Variants in PMFBP1 observed in about 807,000 individuals in gnomAD.
PMFBP1 encodes the protein polyamine modulated factor 1 binding protein 1.
In PMFBP1, 131 loss-of-function variants were observed where a neutral mutation model predicts 137.8. That is an observed-to-expected ratio of 0.95 (90% CI 0.82 to 1.10). The LOEUF (loss-of-function observed/expected upper bound fraction) is 1.10. Among genes scored for constraint, PMFBP1 ranks in the 50% least tolerant of loss-of-function variants. The pLI is 0.00. For synonymous variants in PMFBP1, 490 were observed against 450.4 expected (o/e 1.09, Z -1.11); for missense variants, 1,199 against 1,175.4 (o/e 1.02, Z -0.29).
At chr16:72,177,799 A>T (rs1420283397), upstream of PMFBP1, among the ~76,000 whole-genome samples, 1 of 152,208 alleles carries the variant, frequency 6.6e-6, no homozygotes, top group African/African-American at 2.4e-5. Flanking sequence ...ATCTATGATA[A>T]TTCCTCAGTC....
chr16:72,200,351 A>T, the PMFBP1 span, among the ~76,000 whole-genome samples: 1 of 152,344 alleles, frequency 6.6e-6, no homozygotes, highest in Admixed American at 6.5e-5. Context: ...TTTATACTAG[A>T]GCAGAATTTC....
At chr16:72,165,357 T>C (rs564790742) in intron 2 of PMFBP1, among the ~76,000 whole-genome samples, 1 of 152,172 alleles carries the variant, frequency 6.6e-6, no homozygotes, top group African/African-American at 2.4e-5. Flanking sequence ...CTTTCTCTTC[T>C]ACCCACTAGA....
intron 5 of PMFBP1, among the ~76,000 whole-genome samples, chr16:72,149,708 A>G (rs1286566329): frequency 6.6e-6 from 1 of 152,192 alleles, no homozygotes; most frequent in South Asian, 2.1e-4. Flanking sequence ...CTGTAGTCCC[A>G]GATACTCTGG....
intron 3 of PMFBP1, among the ~76,000 whole-genome samples, chr16:72,163,793 C>T (rs1242276957): frequency 2.0e-5 from 3 of 152,066 alleles, no homozygotes; most frequent in Non-Finnish European, 4.4e-5. Flanking sequence ...GAATTGGAGA[C>T]TATTATTCCA....
chr16:72,221,980 G>C, the PMFBP1 span, among the ~76,000 whole-genome samples: 1 of 152,176 alleles, frequency 6.6e-6, no homozygotes, highest in African/African-American at 2.4e-5. Flanking sequence ...GCCGGGCTCA[G>C]GTATATGTGT....
At chr16:72,223,220 T>C in the PMFBP1 span, among the ~76,000 whole-genome samples, 2 of 152,194 alleles carry the variant, frequency 1.3e-5, no homozygotes, top group Non-Finnish European at 2.9e-5. Flanking sequence ...CAGCACCGAA[T>C]TTCCATGGCT....
chr16:72,215,965 T>G, the PMFBP1 span, among the ~76,000 whole-genome samples: 40 of 152,216 alleles, frequency 2.6e-4, no homozygotes, highest in African/African-American at 8.9e-4. Context: ...AATCTCTCTC[T>G]TCTTCTTCCT....
At position 72,136,492 on chromosome 16, in the gene PMFBP1, G is replaced by C; in HGVS notation, c.1159C>G (p.Leu387Val). 6.2e-7 allele frequency: 1 copy of C among 1,613,850 alleles called. No individual in the cohort carries two copies. Among genetic ancestry groups the C allele is most frequent in the Non-Finnish European group, 8.5e-7 (1 of 1,179,918 alleles). Reference protein sequence around the residue: ...ILQCRLQELQLEFTETQKLTL... With the variant: ...ILQCRLQELQVEFTETQKLTL... ...AGCTTTTGGGTCTCGGTGAACTCCA[G>C]CTGCAGCTCCTGCAGCCGGCACTGC... The change falls in exon 9 of 21, where the codon CTG (leucine) becomes GTG (valine). Residue 387 changes from leucine (L) to valine (V), a missense_variant. Transcript: ENST00000237353.
In PMFBP1 at chr16:72,135,364, T is replaced by G. The variant is rs1434062403; in HGVS notation, c.1203+1084A>C. ...CTAATTTTGTGTGTGTGTGTGTTTT[T>G]TTTTTTTTTTTTTTGTTGTTGTTGT... is the stretch of plus-strand genomic sequence containing the variant. On this transcript the variant is annotated intron_variant, in intron 9 of 20. Transcript: ENST00000237353. 7.6e-3 allele frequency among the ~76,000 whole-genome samples: 719 copies of G among 95,116 alleles called. 2 individuals carry two copies. The highest frequency in any genetic ancestry group is 0.023 in the African/African-American group (445 of 19,694). 62.4% of individuals were successfully genotyped at this position (95,116 alleles called of 152,430 possible).
At chr16:72,120,808 T>C (rs564628694) in intron 19 of PMFBP1, among the ~76,000 whole-genome samples, 3 of 152,314 alleles carry the variant, frequency 2.0e-5, no homozygotes, top group African/African-American at 4.8e-5. Flanking sequence ...CTGCCACTTA[T>C]TAGTTTTGAG....
chr16:72,193,850 A>C, the PMFBP1 span, among the ~76,000 whole-genome samples: 6 of 152,224 alleles, frequency 3.9e-5, no homozygotes, highest in South Asian at 1.2e-3. Flanking sequence ...GCGCACACAT[A>C]CCACCGCTAG....
the PMFBP1 span, among the ~76,000 whole-genome samples, chr16:72,244,471 C>T: frequency 2.0e-5 from 3 of 152,200 alleles, no homozygotes; most frequent in Non-Finnish European, 4.4e-5. Context: ...TACGTCCCCT[C>T]TCCTTCTTCT....
the PMFBP1 span, among the ~76,000 whole-genome samples, chr16:72,248,010 G>A: frequency 6.6e-6 from 1 of 152,142 alleles, no homozygotes; most frequent in Admixed American, 6.5e-5. Context: ...ATCTGCCTCG[G>A]TCTGCCAAGT....
At chr16:72,164,629 C>T in intron 3 of PMFBP1, 135 bp downstream of exon 3, 1 of 1,292,904 alleles carries the variant, frequency 7.7e-7, no homozygotes, top group Non-Finnish European at 1.1e-6. Context: ...GTTTAATTCT[C>T]TTAATTCTCT....
the PMFBP1 span, among the ~76,000 whole-genome samples, chr16:72,190,924 G>A: frequency 6.6e-6 from 1 of 152,156 alleles, no homozygotes; most frequent in South Asian, 2.1e-4. Flanking sequence ...GCAAAGAGAA[G>A]GTTCTTCGTG....
At chr16:72,228,149 G>C in the PMFBP1 span, among the ~76,000 whole-genome samples, 4 of 152,058 alleles carry the variant, frequency 2.6e-5, no homozygotes, top group Non-Finnish European at 5.9e-5. Context: ...TTGTGGCAGG[G>C]GTGGGGTTCG....
chr16:72,124,871 G>A lies in PMFBP1; in HGVS notation c.2485C>T (p.His829Tyr). The part of the protein sequence containing the change: ...SCQVLQWQKQ[H>Y]QNDLKMLAAK... ...GCCAGCATCTTGAGGTCATTCTGGT[G>A]TTGCTTCTGCCACTGCAGCACCTGG... The change falls in exon 17 of 21, where the codon CAC becomes TAC. Residue 829 changes from histidine to tyrosine, a missense_variant. His to Tyr is a moderately conservative substitution (Grantham distance 83). Coordinates refer to ENST00000237353, the MANE Select transcript of PMFBP1 (RefSeq NM_031293.3). The A allele has an allele frequency of 6.2e-7, 1 of 1,614,206 alleles. No individual in the cohort carries two copies. The highest frequency in any genetic ancestry group is 8.5e-7 in the Non-Finnish European group (1 of 1,180,044).
In PMFBP1 at chr16:72,123,635, G is replaced by T. The variant is rs751099851; in HGVS notation, c.2604C>A (p.Pro868=). 2.5e-6 allele frequency: 4 copies of T among 1,613,748 alleles called. No homozygotes were observed. The highest frequency in any genetic ancestry group is 3.4e-6 in the Non-Finnish European group (4 of 1,179,822). The change falls in exon 18 of 21, where the codon CCC becomes CCA. Residue 868 remains proline, a synonymous_variant. Coordinates refer to ENST00000237353, the MANE Select transcript of PMFBP1 (RefSeq NM_031293.3). ...AGGTGTCTTTGGGCACAGACCACTG[G>T]GGCAGGCAGCAGGGCTTGGGTACAA... The part of the protein sequence containing the change: ...LEDDKEPCCL[P]QWSVPKDTCR...
chr16:72,216,407 G>T, the PMFBP1 span, among the ~76,000 whole-genome samples: 1 of 152,136 alleles, frequency 6.6e-6, no homozygotes, highest in African/African-American at 2.4e-5. Flanking sequence ...TGTGGCATTG[G>T]TTTAATGGTC....
Sources: allele counts gnomAD v4.1 joint callset (sites outside exome capture counted in the v4.1 genomes callset), GRCh38; gene constraint gnomAD v4.1.1; transcripts MANE v1.5; gene names NCBI Gene and HGNC (gene_info 2026-07-23, HGNC 2026-07-21).